Variants in LRRC75A observed in about 807,000 individuals in gnomAD.
LRRC75A encodes leucine rich repeat containing 75A, also known as leucine-rich repeat-containing protein 75A.
A neutral mutation model predicts 26.0 loss-of-function variants in LRRC75A; 12 were observed. The ratio of observed to expected loss-of-function variants is 0.46; its 90% CI spans 0.30 to 0.75. The LOEUF (loss-of-function observed/expected upper bound fraction) is 0.75, where lower values mean the gene tolerates loss of function less well. Ranked by LOEUF, LRRC75A falls within the 30% of genes least tolerant of loss-of-function variation. The pLI is 0.08. For synonymous variants in LRRC75A, 223 were observed against 219.3 expected (o/e 1.02, Z -0.15); for missense variants, 410 against 486.6 (o/e 0.84, Z 1.48).
intron 1 of LRRC75A, among the ~76,000 whole-genome samples, chr17:16,481,619 C>T (rs569262762): frequency 6.6e-6 from 1 of 152,092 alleles, no homozygotes; most frequent in East Asian, 1.9e-4. Flanking sequence ...CCCCCTGCCT[C>T]CCCCATGATG....
chr17:16,484,649 C>A (rs1466580112), intron 1 of LRRC75A, among the ~76,000 whole-genome samples: 1 of 152,026 alleles, frequency 6.6e-6, no homozygotes, highest in East Asian at 1.9e-4. Flanking sequence ...TGCTTCTCAC[C>A]CAGGGAAGGG....
intron 1 of LRRC75A, among the ~76,000 whole-genome samples, chr17:16,466,931 C>T (rs1303876590): frequency 1.3e-5 from 2 of 152,064 alleles, no homozygotes; most frequent in Admixed American, 6.6e-5. Context: ...GACCTCTTTT[C>T]CAATGACATA....
intron 1 of LRRC75A, among the ~76,000 whole-genome samples, chr17:16,465,153 CTT>C (rs1555890889): frequency 2.0e-5 from 3 of 152,234 alleles, no homozygotes; most frequent in Non-Finnish European, 4.4e-5. Context: ...TGGTTGGCAA[CTT>C]AATGCCAGCC....
chr17:16,466,081 T>C (rs1419855433), intron 1 of LRRC75A, among the ~76,000 whole-genome samples: 7 of 152,240 alleles, frequency 4.6e-5, no homozygotes, highest in African/African-American at 1.7e-4. Flanking sequence ...CACAGGATGC[T>C]TGTGCTAACT....
At chr17:16,463,647 C>T (rs900082799) in intron 1 of LRRC75A, 1 of 152,284 alleles carries the variant, frequency 6.6e-6, no homozygotes, top group African/African-American at 2.4e-5. Context: ...TGTGGGTAAC[C>T]AGCTGAGTTT....
rs148369378 is a variant in LRRC75A, at chr17:16,448,792, C to T, written c.376-832G>A. On this transcript the variant is annotated intron_variant, in intron 2 of 3. Coordinates refer to ENST00000470794, the MANE Select transcript of LRRC75A (RefSeq NM_001113567.3). The stretch of plus-strand genomic sequence containing the variant: ...AGGACACAGGAGGAGGAGGGACTGA[C>T]AGACCTAGGAGAGAGCCTCAGAAGG... 6.9e-3 allele frequency among the ~76,000 whole-genome samples: 1,052 copies of T among 152,314 alleles called. 7 individuals are homozygous for T. The highest frequency in any genetic ancestry group is 0.024 in the African/African-American group (998 of 41,562).
At chr17:16,451,530 G>A (rs576878948) in intron 2 of LRRC75A, among the ~76,000 whole-genome samples, 1 of 151,568 alleles carries the variant, frequency 6.6e-6, no homozygotes, top group East Asian at 2.0e-4. Context: ...GCTGAGGCAG[G>A]AGAATTGTTT....
At position 16,444,751 on chromosome 17, in the gene LRRC75A, G is replaced by C. The variant is rs1444730369; in HGVS notation, c.492-620C>G. On this transcript the variant is annotated intron_variant, in intron 3 of 3. Transcript: ENST00000470794. ...GGACAGAGCCCAGGCAGTTCAAGCT[G>C]ATGGCAAGTGTGCCCTTCCCTGCAC... Among the ~76,000 whole-genome samples the C allele has an allele frequency of 3.9e-5, 6 of 151,932 alleles. No individual in the cohort carries two copies. The East Asian group carries it at 1.2e-3, about 29-fold the overall frequency.
At chr17:16,484,390 C>T (rs1160815686) in intron 1 of LRRC75A, among the ~76,000 whole-genome samples, 1 of 152,132 alleles carries the variant, frequency 6.6e-6, no homozygotes, top group African/African-American at 2.4e-5. Flanking sequence ...ACCCCCTAAG[C>T]AGCAAAATAA....
rs1425715678 is a variant in LRRC75A, at chr17:16,491,852, C to T, written c.139G>A (p.Gly47Arg). Reference sequence around the variant, plus strand: ...ACTCGCCGGTGGTAGGGGGGCATCCCCGCGCCCGCGCGCCCCGCCTTGTCC... The same window carrying T: ...ACTCGCCGGTGGTAGGGGGGCATCCTCGCGCCCGCGCGCCCCGCCTTGTCC... ...AGDKAGRAGA[G>R]MPPYHRRVGM... The change falls in exon 1 of 4, where the codon GGG becomes AGG. Residue 47 changes from glycine (G) to arginine (R), a missense_variant. By Grantham distance (125) the Gly-to-Arg change is moderately radical. Coordinates refer to ENST00000470794, the MANE Select transcript of LRRC75A (RefSeq NM_001113567.3). This position sits in a 1 kb window ranked among gnomAD's most constrained non-coding sequence, Gnocchi z 5.9. The T allele has an allele frequency of 7.2e-7, 1 of 1,395,556 alleles. No individual in the cohort carries two copies. The highest frequency in any genetic ancestry group is 2.6e-5 in the Admixed American group (1 of 38,318). The allele number at this position is 1,395,556 out of a possible 1,614,324, so 86.4% of individuals were successfully genotyped here.
intron 1 of LRRC75A, among the ~76,000 whole-genome samples, chr17:16,466,243 A>G (rs3760235): frequency 0.07 from 10,665 of 152,200 alleles, 461 homozygotes; most frequent in East Asian, 0.16. Flanking sequence ...AGGAGAGGTC[A>G]CCAGATCCTC....
chr17:16,485,681 T>TGTGTGTGTGTGTGTGTGTGTGTGTGC, intron 1 of LRRC75A, among the ~76,000 whole-genome samples: 1 of 135,544 alleles, frequency 7.4e-6, no homozygotes, highest in African/African-American at 3.0e-5. Context: ...CGTGTGTGTG[T>TGTGTGTGTGTGTGTGTGTGTGTGTGC]GTGTGTGTGT....
Position 16,462,406 on chromosome 17 carries a change from C to T in LRRC75A, c.247-20G>A, listed in dbSNP as rs775343725. 2.8e-5 allele frequency: 45 copies of T among 1,613,390 alleles called. No homozygotes were observed. In the Middle Eastern group the frequency reaches 6.6e-4, roughly 24 times the overall value. On this transcript the variant is annotated intron_variant, in intron 1 of 3. Transcript: ENST00000470794. This position sits in a 1 kb window ranked among gnomAD's most constrained non-coding sequence, Gnocchi z 4.6. ...CAGGTCCTGCAAGAGCAAAGGATGC[C>T]CAGAGGTCAGGGCTGGCTGCCCACC...
chr17:16,461,163 C>T (rs555866963), intron 2 of LRRC75A: 1 of 152,550 alleles, frequency 6.6e-6, no homozygotes, highest in South Asian at 2.1e-4. Flanking sequence ...AGATGGAGCT[C>T]AGCCCCAGGA....
At position 16,483,436 on chromosome 17, in the gene LRRC75A, C is replaced by T. The variant is rs147904869; in HGVS notation, c.246+8309G>A. Among the ~76,000 whole-genome samples the T allele has an allele frequency of 2.0e-5, 3 of 152,284 alleles. No individual in the cohort carries two copies. In the East Asian group the frequency reaches 5.8e-4, roughly 29 times the overall value. ...ATCTGTCCCCTCTCTGTCCTGGGAC[C>T]GCTGCATCCCAGCTCTTGCACCAGC... On this transcript the variant is annotated intron_variant, in intron 1 of 3. Coordinates refer to ENST00000470794, the MANE Select transcript of LRRC75A (RefSeq NM_001113567.3).
chr17:16,478,216 C>CTTGCTTT lies in LRRC75A; in HGVS notation c.246+13522_246+13528dup, dbSNP rs2093825689. On this transcript the variant is annotated intron_variant, in intron 1 of 3. Coordinates refer to ENST00000470794, the MANE Select transcript of LRRC75A (RefSeq NM_001113567.3). Reference sequence around the variant, plus strand: ...CTTTTTTTTTTTTTTGAGATGGAGTCTTGCTTTGTCACCCAGGTTGGAGTG... The same window carrying CTTGCTTT: ...CTTTTTTTTTTTTTTGAGATGGAGTCTTGCTTTTTGCTTTGTCACCCAGGTTGGAGTG... Among the ~76,000 whole-genome samples the CTTGCTTT allele has an allele frequency of 2.1e-5, 3 of 142,926 alleles. No homozygotes were observed. In the Admixed American group the frequency reaches 2.1e-4, roughly 10 times the overall value. 93.8% of individuals were successfully genotyped at this position (142,926 alleles called of 152,430 possible).
At chr17:16,447,679 C>G (rs1457805527) in intron 3 of LRRC75A, among the ~76,000 whole-genome samples, 166 bp downstream of exon 3, 1 of 150,412 alleles carries the variant, frequency 6.6e-6, no homozygotes, top group Non-Finnish European at 1.5e-5. Context: ...GGGTCCCCCT[C>G]TAGATGTTTC....
chr17:16,475,389 T>G (rs537319252), intron 1 of LRRC75A, among the ~76,000 whole-genome samples: 3 of 152,178 alleles, frequency 2.0e-5, no homozygotes, highest in Non-Finnish European at 2.9e-5. Flanking sequence ...CTGGCGAGTC[T>G]GAAATCTGCA....
At chr17:16,482,740 A>G (rs1199691742) in intron 1 of LRRC75A, among the ~76,000 whole-genome samples, 2 of 152,214 alleles carry the variant, frequency 1.3e-5, no homozygotes, top group Non-Finnish European at 2.9e-5. Context: ...CCAGTCCTCT[A>G]TGGCATCAGC....
Sources: gnomAD v4.1 joint callset for allele counts (sites outside exome capture counted in the v4.1 genomes callset) on GRCh38, gnomAD v4.1.1 for gene constraint, Gnocchi (gnomAD v3.1) non-coding constraint, MANE v1.5 for transcripts, NCBI Gene and HGNC (gene_info 2026-07-23, HGNC 2026-07-21) for gene names.